The following DNALI1 variants were observed in gnomAD, a reference collection of about 807,000 sequenced individuals.
DNALI1 encodes dynein axonemal light intermediate chain 1.
DNALI1 carries 31 observed loss-of-function variants against 33.9 expected under a neutral mutation model. The ratio of observed to expected loss-of-function variants is 0.91; its 90% confidence interval spans 0.69 to 1.23. The LOEUF is 1.23. Among genes scored for constraint, DNALI1 ranks in the 50% most tolerant of loss-of-function variants. The pLI, the probability that DNALI1 is intolerant of heterozygous loss-of-function variation, is 0.00. For missense variants in DNALI1, 305 were observed against 323.8 expected, an observed-to-expected ratio of 0.94 and a Z score of 0.44; for synonymous variants, 117 against 129.2, an observed-to-expected ratio of 0.91 and a Z score of 0.64.
Position 37,559,569 on chromosome 1 carries a change from A to C in DNALI1, c.397+73A>C. On this transcript the variant is annotated intron_variant, in intron 3 of 5. Coordinates refer to ENST00000652629, the MANE Select transcript of DNALI1 (RefSeq NM_003462.5). This position sits in a 1 kb window ranked among gnomAD's most constrained non-coding sequence, Gnocchi z 5.3. ...TTCCCTTCACCTTCAGCACAGATCCAAGCCTGAGCACCTTGGAGCTGGAGC... is the reference window on the plus strand; with the variant it reads ...TTCCCTTCACCTTCAGCACAGATCCCAGCCTGAGCACCTTGGAGCTGGAGC... 1.4e-6 allele frequency: 2 copies of C among 1,418,446 alleles called. No individual in the cohort carries two copies. The highest frequency in any genetic ancestry group is 9.3e-7 in the Non-Finnish European group (1 of 1,075,108). 87.9% of individuals were successfully genotyped at this position (1,418,446 alleles called of 1,614,324 possible).
Position 37,565,011 on chromosome 1 carries a change from G to A in DNALI1, c.742-15G>A. On this transcript the variant is annotated splice_polypyrimidine_tract_variant and intron_variant, in intron 5 of 5. Coordinates refer to ENST00000652629, the MANE Select transcript of DNALI1 (RefSeq NM_003462.5). ...CAAGTTTCAAGTATTAATGGAGCTT[G>A]TTTTTGTTTTTCAGGCCCAACTGGA... 1 of 1,614,020 alleles carries A rather than the reference G, an allele frequency of 6.2e-7. No homozygotes were observed. The highest frequency in any genetic ancestry group is 8.5e-7 in the Non-Finnish European group (1 of 1,179,918).
chr1:37,557,750 T>G lies in DNALI1; in HGVS notation c.227+2T>G, dbSNP rs755196470. On this transcript the variant is annotated splice_donor_variant, in intron 2 of 5. Coordinates refer to ENST00000652629, the MANE Select transcript of DNALI1 (RefSeq NM_003462.5). LOFTEE classifies it high-confidence loss of function. ...CTTGAATGCCATACTACCCCCAAGG[T>G]AAGAAAGTAGGAGCAGTGGCTGGGA... 6.2e-7 allele frequency: 1 copy of G among 1,613,312 alleles called. No homozygotes were observed. Among genetic ancestry groups the G allele is most frequent in the African/African-American group, 1.3e-5 (1 of 74,940 alleles).
intron 5 of DNALI1, among the ~76,000 whole-genome samples, chr1:37,564,312 A>C (rs191770402): frequency 7.1e-6 from 1 of 141,776 alleles, no homozygotes; most frequent in East Asian, 2.1e-4. Context: ...AAGTTGTCTC[A>C]GTGGCTGAAA....
At chr1:37,558,894 C>T (rs1643403377) in intron 2 of DNALI1, among the ~76,000 whole-genome samples, 1 of 152,256 alleles carries the variant, frequency 6.6e-6, no homozygotes, top group Admixed American at 6.5e-5. Context: ...TACGCAGGCA[C>T]ACACCTTCAT....
chr1:37,561,702 G>A lies in DNALI1; in HGVS notation c.543G>A (p.Gln181=), dbSNP rs1268018591. 1 of 1,614,102 alleles carries A rather than the reference G, an allele frequency of 6.2e-7. No individual in the cohort carries two copies. Among genetic ancestry groups the A allele is most frequent in the South Asian group, 1.1e-5 (1 of 91,084 alleles). The change falls in exon 4 of 6, where the codon CAG becomes CAA. Residue 181 remains glutamine (Q), a synonymous_variant. Coordinates refer to ENST00000652629, the MANE Select transcript of DNALI1 (RefSeq NM_003462.5). The surrounding 1 kb of genome is among the most constrained non-coding windows in gnomAD (Gnocchi z 4.6). ...SVAFGMRKAL[Q]AEQGKSDMER... ...CGTTTGGCATGAGGAAGGCACTGCAGGCTGAGCAGGGGAAGTCAGACATGG... is the reference window on the plus strand; with the variant it reads ...CGTTTGGCATGAGGAAGGCACTGCAAGCTGAGCAGGGGAAGTCAGACATGG...
At position 37,561,381 on chromosome 1, in the gene DNALI1, A is replaced by C. The variant is rs1464538128; in HGVS notation, c.398-176A>C. The stretch of plus-strand genomic sequence containing the variant: ...AGTTCAGAGGAGTGACTGCATGGCA[A>C]GGCTCTTTGGGCCACTGAAGGCACC... On this transcript the variant is annotated intron_variant, in intron 3 of 5. Coordinates refer to ENST00000652629, the MANE Select transcript of DNALI1 (RefSeq NM_003462.5). This position sits in a 1 kb window ranked among gnomAD's most constrained non-coding sequence, Gnocchi z 4.6. The C allele has an allele frequency of 2.8e-6, 2 of 701,768 alleles. No individual in the cohort carries two copies. Among genetic ancestry groups the C allele is most frequent in the East Asian group, 2.7e-5 (1 of 36,398 alleles). 43.5% of individuals were successfully genotyped at this position (701,768 alleles called of 1,614,324 possible).
chr1:37,559,553 C>G lies in DNALI1; in HGVS notation c.397+57C>G. ...ACACCCTACTGCTCCCTTCCCTTCA[C>G]CTTCAGCACAGATCCAAGCCTGAGC... On this transcript the variant is annotated intron_variant, in intron 3 of 5. Transcript: ENST00000652629. The surrounding 1 kb of genome is among the most constrained non-coding windows in gnomAD (Gnocchi z 5.3). The G allele has an allele frequency of 6.7e-7, 1 of 1,490,824 alleles. No homozygotes were observed. The highest frequency in any genetic ancestry group is 9.0e-7 in the Non-Finnish European group (1 of 1,113,876). The allele number at this position is 1,490,824 out of a possible 1,614,324, so 92.3% of individuals were successfully genotyped here. A position where few individuals can be genotyped will look rare whatever the true frequency, so the allele number is the denominator to read the frequency against.
rs745808023 is a variant in DNALI1 at position 37,562,046 on chromosome 1, C to A, written c.577-35C>A. 3.1e-6 allele frequency: 5 copies of A among 1,612,778 alleles called. No individual in the cohort carries two copies. In the South Asian group the frequency reaches 5.5e-5, roughly 18 times the overall value. On this transcript the variant is annotated intron_variant, in intron 4 of 5. Transcript: ENST00000652629. The surrounding 1 kb of genome is among the most constrained non-coding windows in gnomAD (Gnocchi z 5.8). ...GGCTCACACCATTCCATTCACCTGG[C>A]GACATCCCAGGATGACTGGGCATTC...
Position 37,557,279 on chromosome 1 carries a change from G to A in DNALI1, c.81+204G>A, listed in dbSNP as rs115415445. On this transcript the variant is annotated intron_variant, in intron 1 of 5. Transcript: ENST00000652629. ...TGACCCCAGAGGGCAGATTTAGGATGGGGAAGGAGGTCACAGGGAGATGGA... is the reference window on the plus strand; with the variant it reads ...TGACCCCAGAGGGCAGATTTAGGATAGGGAAGGAGGTCACAGGGAGATGGA... Among the ~76,000 whole-genome samples, 802 of 152,256 alleles carry A rather than the reference G, an allele frequency of 5.3e-3. 11 individuals are homozygous for A. The highest frequency in any genetic ancestry group is 0.015 in the African/African-American group (626 of 41,548).
intron 5 of DNALI1, among the ~76,000 whole-genome samples, chr1:37,564,644 G>A (rs1643478983): frequency 6.6e-6 from 1 of 152,146 alleles, no homozygotes; most frequent in Non-Finnish European, 1.5e-5. Flanking sequence ...GCCTCCCAAA[G>A]TGCTGGGATT....
rs947875926 is a variant in DNALI1 at position 37,562,812 on chromosome 1, A to T, written c.741+567A>T. On this transcript the variant is annotated intron_variant, in intron 5 of 5. Transcript: ENST00000652629. The surrounding 1 kb of genome is among the most constrained non-coding windows in gnomAD (Gnocchi z 5.8). ...TCTTTTATCCAGCTGAGGTGATAGGAGGGAGGGGGCTGGTGGACAAAGCTG... is the reference window on the plus strand; with the variant it reads ...TCTTTTATCCAGCTGAGGTGATAGGTGGGAGGGGGCTGGTGGACAAAGCTG... 6.6e-6 allele frequency among the ~76,000 whole-genome samples: 1 copy of T among 151,960 alleles called. No homozygotes were observed. Among genetic ancestry groups the T allele is most frequent in the African/African-American group, 2.4e-5 (1 of 41,384 alleles).
rs2148121746 is a variant in DNALI1 at position 37,559,273 on chromosome 1, G to A, written c.228-54G>A. The A allele has an allele frequency of 5.9e-6, 9 of 1,526,934 alleles. No homozygotes were observed. The highest frequency in any genetic ancestry group is 7.9e-6 in the Non-Finnish European group (9 of 1,133,236). The allele number at this position is 1,526,934 out of a possible 1,614,324, so 94.6% of individuals were successfully genotyped here. ...GGCTCAAAGGGCCCTCTGCTCATGT[G>A]CTAGGGACCTTCAAGTCAACGGGTT... is the stretch of plus-strand genomic sequence containing the variant. On this transcript the variant is annotated intron_variant, in intron 2 of 5. Coordinates refer to ENST00000652629, the MANE Select transcript of DNALI1 (RefSeq NM_003462.5). This position sits in a 1 kb window ranked among gnomAD's most constrained non-coding sequence, Gnocchi z 5.3.
Position 37,562,047 on chromosome 1 carries a change from G to A in DNALI1, c.577-34G>A, listed in dbSNP as rs113215442. 1,737 of 1,613,016 alleles carry A rather than the reference G, an allele frequency of 1.1e-3. 21 individuals are homozygous for A. The African/African-American group carries it at 0.02, about 19-fold the overall frequency. On this transcript the variant is annotated intron_variant, in intron 4 of 5. Transcript: ENST00000652629. The surrounding 1 kb of genome is among the most constrained non-coding windows in gnomAD (Gnocchi z 5.8). Reference sequence around the variant, plus strand: ...GCTCACACCATTCCATTCACCTGGCGACATCCCAGGATGACTGGGCATTCT... The same window carrying A: ...GCTCACACCATTCCATTCACCTGGCAACATCCCAGGATGACTGGGCATTCT...
intron 2 of DNALI1, chr1:37,557,982 A>G: frequency 7.7e-6 from 4 of 518,050 alleles, no homozygotes; most frequent in Non-Finnish European, 1.0e-5. Context: ...GATACCACCT[A>G]TGTGCTGATG....
In DNALI1 at chr1:37,565,052, AAAG is replaced by A; in HGVS notation, c.772_774del (p.Lys258del). 3 of 1,614,206 alleles carry A rather than the reference AAAG, an allele frequency of 1.9e-6. No individual in the cohort carries two copies. The highest frequency in any genetic ancestry group is 1.1e-5 in the South Asian group (1 of 91,084). ...CCCAACTGGAAGGCATTATTGCACC[AAAG>A]AAGTGATAATTTCCACATGATTAAT... On this transcript the variant is annotated inframe_deletion, in exon 6 of 6. Transcript: ENST00000652629.
chr1:37,558,394 C>A lies in DNALI1; in HGVS notation c.227+646C>A, dbSNP rs76130434. The stretch of plus-strand genomic sequence containing the variant: ...CTTCCACTCTGCTCCTAGAATCTAT[C>A]CTCCATACAGCCCCTAAGTCATAAG... On this transcript the variant is annotated intron_variant, in intron 2 of 5. Coordinates refer to ENST00000652629, the MANE Select transcript of DNALI1 (RefSeq NM_003462.5). 2.0e-3 allele frequency among the ~76,000 whole-genome samples: 306 copies of A among 152,314 alleles called. 16 individuals carry two copies. The East Asian group carries it at 0.049, about 24-fold the overall frequency.
At chr1:37,564,718 C>A (rs142567164) in intron 5 of DNALI1, among the ~76,000 whole-genome samples, 2 of 152,254 alleles carry the variant, frequency 1.3e-5, no homozygotes, top group East Asian at 3.9e-4. Context: ...CATATTCTGG[C>A]CTGAAACCTG....
intron 1 of DNALI1, 83 bp from the exon 2 acceptor site, chr1:37,557,520 G>T: frequency 6.6e-7 from 1 of 1,511,746 alleles, no homozygotes; most frequent in Non-Finnish European, 8.9e-7. Context: ...CTGTGCAGAA[G>T]ACCTGGAGCA....
At chr1:37,563,528 T>C (rs1335317850) in intron 5 of DNALI1, among the ~76,000 whole-genome samples, 1 of 152,224 alleles carries the variant, frequency 6.6e-6, no homozygotes, top group Non-Finnish European at 1.5e-5. Flanking sequence ...TTTGCTCTTG[T>C]TGCCCAGGCT....
Sources: allele counts gnomAD v4.1 joint callset (sites outside exome capture counted in the v4.1 genomes callset), GRCh38; gene constraint gnomAD v4.1.1; non-coding constraint Gnocchi (gnomAD v3.1); transcripts MANE v1.5; gene names NCBI Gene and HGNC (gene_info 2026-07-23, HGNC 2026-07-21).